The following JAKMIP1 variants were observed in gnomAD, a reference collection of about 807,000 sequenced individuals.
JAKMIP1 encodes janus kinase and microtubule-interacting protein 1.
JAKMIP1 carries 33 observed loss-of-function variants against 113.0 expected under a neutral mutation model. The observed-to-expected ratio is 0.29, with a 90% CI of 0.22 to 0.39. The LOEUF (loss-of-function observed/expected upper bound fraction) is 0.39. JAKMIP1 is among the 10% of genes least tolerant of loss of function. JAKMIP1 has a pLI of 1.00. For synonymous variants in JAKMIP1, 480 were observed against 459.9 expected (o/e 1.04, Z -0.56); for missense variants, 813 against 1,080.5 (o/e 0.75, Z 3.47).
chr4:6,182,424 AAAG>A lies in JAKMIP1; in HGVS notation c.-148+17826_-148+17828del, dbSNP rs1279562109. Among the ~76,000 whole-genome samples the A allele has an allele frequency of 3.6e-3, 376 of 103,650 alleles. 2 individuals carry two copies. Among genetic ancestry groups the A allele is most frequent in the African/African-American group, 9.5e-3 (316 of 33,336 alleles). 68.0% of individuals were successfully genotyped at this position (103,650 alleles called of 152,430 possible). On this transcript the variant is annotated intron_variant, in intron 1 of 20. Transcript: ENST00000409021. ...ACCCTGTCTCAGAAAAAAAAAAAAA[AAAG>A]AAAGAAAGAAAGAAAGAAAAGAAAA...
chr4:6,054,127 C>T lies in JAKMIP1; in HGVS notation c.1729G>A (p.Glu577Lys), dbSNP rs749914417. Residue 577 changes from glutamate to lysine, a missense_variant, in exon 13 of 21, where the codon GAG becomes AAG. Around this residue, in one of 2 missense-constraint regions of JAKMIP1, gnomAD observed 273 missense variants for 426.6 expected, o/e 0.64. Coordinates refer to ENST00000409021, the MANE Select transcript of JAKMIP1 (RefSeq NM_001099433.2). ...LEKIYRLEME[E>K]NQLKNEMQDA... is the part of the protein sequence containing the mutation. Reference sequence around the variant, plus strand: ...TGCATTTCATTCTTCAGCTGGTTCTCTTCCATTTCCAGTCTGTAAATCTAG... The same window carrying T: ...TGCATTTCATTCTTCAGCTGGTTCTTTTCCATTTCCAGTCTGTAAATCTAG... 2 of 1,614,190 alleles carry T rather than the reference C, an allele frequency of 1.2e-6. No homozygotes were observed. The highest frequency in any genetic ancestry group is 1.7e-5 in the Admixed American group (1 of 60,018).
chr4:6,044,664 C>T lies in JAKMIP1; in HGVS notation c.2029-2437G>A, dbSNP rs1714760108. ...GAAATCCAGGTTTGGATGATTACAA[C>T]ATGCTGCTCTCAGAACGGTTTCTGC... On this transcript the variant is annotated intron_variant, in intron 16 of 20. Coordinates refer to ENST00000409021, the MANE Select transcript of JAKMIP1 (RefSeq NM_001099433.2). The surrounding 1 kb of genome is among the most constrained non-coding windows in gnomAD (Gnocchi z 4.4). 6.6e-6 allele frequency among the ~76,000 whole-genome samples: 1 copy of T among 152,162 alleles called. No individual in the cohort carries two copies. Among genetic ancestry groups the T allele is most frequent in the African/African-American group, 2.4e-5 (1 of 41,382 alleles).
At chr4:6,172,720 A>T (rs1311442008) in intron 1 of JAKMIP1, among the ~76,000 whole-genome samples, 1 of 152,214 alleles carries the variant, frequency 6.6e-6, no homozygotes, top group Admixed American at 6.5e-5. Context: ...GGGATGTTTG[A>T]TTGAGAAAAC....
chr4:6,055,008 C>G (rs1041505285), intron 12 of JAKMIP1, among the ~76,000 whole-genome samples: 1 of 151,312 alleles, frequency 6.6e-6, no homozygotes, highest in African/African-American at 2.4e-5. Flanking sequence ...TGGGGTTGCT[C>G]GCTGTCCCAA....
chr4:6,121,447 C>T (rs1489891712), intron 1 of JAKMIP1, among the ~76,000 whole-genome samples: 9 of 152,182 alleles, frequency 5.9e-5, no homozygotes, highest in East Asian at 1.9e-4. Context: ...TTCCGAAGAA[C>T]GGTGCCAGGC....
At chr4:6,062,189 T>C (rs934723908) in intron 10 of JAKMIP1, 123 bp downstream of exon 10, 1 of 1,043,724 alleles carries the variant, frequency 9.6e-7, no homozygotes, top group Non-Finnish European at 1.5e-6. Flanking sequence ...TTGCTATGGG[T>C]TCCCCACCAC....
At chr4:6,070,198 C>CGTGG (rs1718763189) in intron 8 of JAKMIP1, 1 of 398,376 alleles carries the variant, frequency 2.5e-6, no homozygotes, top group Non-Finnish European at 4.4e-6. Context: ...AGCCCCTGTG[C>CGTGG]GTGGGCTTAG....
At chr4:6,053,674 G>T in intron 13 of JAKMIP1, 1 of 551,812 alleles carries the variant, frequency 1.8e-6, no homozygotes, top group Non-Finnish European at 2.4e-6. Context: ...TTCCGTCTGG[G>T]TGTGCAGAAT....
chr4:6,107,143 G>T (rs1035571990), intron 2 of JAKMIP1, among the ~76,000 whole-genome samples: 5 of 152,258 alleles, frequency 3.3e-5, no homozygotes, highest in Non-Finnish European at 5.9e-5. Context: ...TTACCCTGGG[G>T]GCAGCAATCA....
chr4:6,077,771 ACTGTGC>A (rs1161579905), intron 8 of JAKMIP1, among the ~76,000 whole-genome samples: 1 of 152,090 alleles, frequency 6.6e-6, no homozygotes, highest in African/African-American at 2.4e-5. Flanking sequence ...GGCATGAGCC[ACTGTGC>A]CCGGTCTTTT....
At position 6,031,975 on chromosome 4, in the gene JAKMIP1, G is replaced by C. The variant is rs1712736136; in HGVS notation, c.2380-2194C>G. 6.6e-6 allele frequency among the ~76,000 whole-genome samples: 1 copy of C among 152,212 alleles called. No homozygotes were observed. Among genetic ancestry groups the C allele is most frequent in the Non-Finnish European group, 1.5e-5 (1 of 68,038 alleles). On this transcript the variant is annotated intron_variant, in intron 19 of 20. Transcript: ENST00000409021. The surrounding 1 kb of genome is among the most constrained non-coding windows in gnomAD (Gnocchi z 4.4). Reference sequence around the variant, plus strand: ...ACCCGAAGGGAACTGTGTGACCTCAGTCTGGTAGTGGCAGGAGTTTCCTGG... The same window carrying C: ...ACCCGAAGGGAACTGTGTGACCTCACTCTGGTAGTGGCAGGAGTTTCCTGG...
chr4:6,030,730 T>TG (rs1442802651), intron 19 of JAKMIP1, among the ~76,000 whole-genome samples: 1 of 152,164 alleles, frequency 6.6e-6, no homozygotes, highest in African/African-American at 2.4e-5. Context: ...AAATTAAACA[T>TG]GGGGTCACCA....
In JAKMIP1 at chr4:6,144,412, CCAGA is replaced by C. The variant is rs573033877; in HGVS notation, c.-147-31419_-147-31416del. Among the ~76,000 whole-genome samples the C allele has an allele frequency of 4.6e-5, 7 of 152,306 alleles. No homozygotes were observed. In the East Asian group the frequency reaches 1.2e-3, roughly 25 times the overall value. On this transcript the variant is annotated intron_variant, in intron 1 of 20. Coordinates refer to ENST00000409021, the MANE Select transcript of JAKMIP1 (RefSeq NM_001099433.2). ...AGCCAGTATTACCCTGACACTGAAACCAGACAAAGATATCATATGAAAACTACAG... is the reference window on the plus strand; with the variant it reads ...AGCCAGTATTACCCTGACACTGAAACCAAAGATATCATATGAAAACTACAG...
intron 2 of JAKMIP1, 64 bp downstream of exon 2, chr4:6,112,658 G>C: frequency 1.3e-6 from 2 of 1,573,858 alleles, no homozygotes; most frequent in Non-Finnish European, 1.7e-6. Flanking sequence ...ACATGCCTCA[G>C]AGGCAACACT....
At chr4:6,074,776 T>C (rs1223312831) in intron 8 of JAKMIP1, among the ~76,000 whole-genome samples, 1 of 152,196 alleles carries the variant, frequency 6.6e-6, no homozygotes, top group East Asian at 1.9e-4. Flanking sequence ...AACGGTCCCA[T>C]AAGATCATAA....
chr4:6,105,429 G>A, intron 3 of JAKMIP1, 44 bp downstream of exon 3: 4 of 1,527,486 alleles, frequency 2.6e-6, no homozygotes, highest in Non-Finnish European at 3.5e-6. Flanking sequence ...CGTGCAGGGA[G>A]GGAAGGCCGC....
chr4:6,150,642 G>A lies in JAKMIP1; in HGVS notation c.-147-37645C>T, dbSNP rs1240052601. The A allele has an allele frequency of 6.6e-6, 1 of 152,228 alleles. No individual in the cohort carries two copies. The highest frequency in any genetic ancestry group is 1.5e-5 in the Non-Finnish European group (1 of 68,056). 9.4% of individuals were successfully genotyped at this position (152,228 alleles called of 1,614,324 possible). On this transcript the variant is annotated intron_variant, in intron 1 of 20. Transcript: ENST00000409021. The surrounding 1 kb of genome is among the most constrained non-coding windows in gnomAD (Gnocchi z 4.8). ...GCCGGCAGCACCTGCATCAGCGTCT[G>A]TCTGGCTTCCTCTTCAAAACCCAAC...
At position 6,081,743 on chromosome 4, in the gene JAKMIP1, G is replaced by A. The variant is rs1344392658; in HGVS notation, c.967C>T (p.Arg323Ter). The part of the protein sequence containing the change: ...DERNELLKRS[R>*]ETEVQLKPLV... ...GGCTTCAGCTGAACCTCGGTCTCTCGTGAGCGTTTCAGCTGTGGTTGGAAA... is the reference window on the plus strand; with the variant it reads ...GGCTTCAGCTGAACCTCGGTCTCTCATGAGCGTTTCAGCTGTGGTTGGAAA... Residue 323 changes from arginine (R) to a stop codon, truncating the protein, a stop_gained, in exon 6 of 21, where the codon CGA becomes TGA. Transcript: ENST00000409021. LOFTEE classifies it high-confidence loss of function. This position sits in a 1 kb window ranked among gnomAD's most constrained non-coding sequence, Gnocchi z 4.6. 1.2e-6 allele frequency: 2 copies of A among 1,613,962 alleles called. No individual in the cohort carries two copies.
At position 6,158,616 on chromosome 4, in the gene JAKMIP1, C is replaced by T. The variant is rs1281530082; in HGVS notation, c.-148+41637G>A. Among the ~76,000 whole-genome samples the T allele has an allele frequency of 6.6e-6, 1 of 151,982 alleles. No homozygotes were observed. Among genetic ancestry groups the T allele is most frequent in the African/African-American group, 2.4e-5 (1 of 41,316 alleles). On this transcript the variant is annotated intron_variant, in intron 1 of 20. Coordinates refer to ENST00000409021, the MANE Select transcript of JAKMIP1 (RefSeq NM_001099433.2). The surrounding 1 kb of genome is among the most constrained non-coding windows in gnomAD (Gnocchi z 5.3). ...CCATCCCATAGGGCCATTTCTCCACCCCCCACCCCCACCAGCCCCAGCTAG... is the reference window on the plus strand; with the variant it reads ...CCATCCCATAGGGCCATTTCTCCACTCCCCACCCCCACCAGCCCCAGCTAG...
Sources: gnomAD v4.1 joint callset for allele counts (sites outside exome capture counted in the v4.1 genomes callset) on GRCh38, gnomAD v4.1.1 for gene constraint, gnomAD v4.1.1 regional missense constraint, Gnocchi (gnomAD v3.1) non-coding constraint, MANE v1.5 for transcripts, NCBI Gene and HGNC (gene_info 2026-07-23, HGNC 2026-07-21) for gene names.